The following TEX36 variants were observed in gnomAD, a reference collection of about 807,000 sequenced individuals.
TEX36 encodes the protein testis expressed 36, also known as testis-expressed protein 36.
In TEX36, 12 loss-of-function variants were observed where a neutral mutation model predicts 13.6. That is an observed-to-expected ratio of 0.88 (90% CI 0.56 to 1.43). The LOEUF is 1.43. Among genes scored for constraint, TEX36 ranks in the 40% most tolerant of loss-of-function variants. The pLI, the probability that TEX36 is intolerant of heterozygous loss-of-function variation, is 0.00. For missense variants in TEX36, 224 were observed against 228.3 expected (o/e 0.98, Z 0.12); for synonymous variants, 93 against 83.0 (o/e 1.12, Z -0.65).
chr10:125,672,138 G>C (rs183303056), intron 1 of TEX36, among the ~76,000 whole-genome samples: 1 of 151,330 alleles, frequency 6.6e-6, no homozygotes, highest in Admixed American at 6.6e-5. Context: ...CTTCAGTTTC[G>C]CTCTGATCTT....
At chr10:125,607,603 A>G (rs2569916) in intron 3 of TEX36, among the ~76,000 whole-genome samples, 13,775 of 152,166 alleles carry the variant, frequency 0.091, 809 homozygotes, top group South Asian at 0.24. Context: ...ACAGAGACAC[A>G]TCCTCATTTG....
intron 3 of TEX36, among the ~76,000 whole-genome samples, chr10:125,608,568 A>G (rs1319155655): frequency 6.6e-6 from 1 of 151,962 alleles, no homozygotes; most frequent in Non-Finnish European, 1.5e-5. Context: ...GGGACCAGGA[A>G]CTCCCTACAT....
intron 3 of TEX36, among the ~76,000 whole-genome samples, chr10:125,639,422 C>G (rs1846656526): frequency 6.6e-6 from 1 of 152,158 alleles, no homozygotes; most frequent in Non-Finnish European, 1.5e-5. Context: ...TGTTACCACT[C>G]ATGCTTGTAC....
chr10:125,635,852 G>C (rs377161952), intron 3 of TEX36, among the ~76,000 whole-genome samples: 24 of 151,940 alleles, frequency 1.6e-4, no homozygotes, highest in African/African-American at 5.1e-4. Context: ...TTGGTGATTG[G>C]GCAGCCTGAA....
chr10:125,631,997 A>AG (rs1846563062), intron 3 of TEX36, among the ~76,000 whole-genome samples: 3 of 152,084 alleles, frequency 2.0e-5, no homozygotes, highest in South Asian at 2.1e-4. Flanking sequence ...AGAGGATAGG[A>AG]CAGAAGATGG....
At chr10:125,628,617 T>A (rs1010078553) in intron 3 of TEX36, among the ~76,000 whole-genome samples, 2 of 152,256 alleles carry the variant, frequency 1.3e-5, no homozygotes, top group Non-Finnish European at 2.9e-5. Flanking sequence ...AGCATCGTTT[T>A]GGAGGAATCT....
At chr10:125,620,938 G>A (rs7899629), downstream of TEX36, among the ~76,000 whole-genome samples, 6,360 of 152,140 alleles carry the variant, frequency 0.042, 234 homozygotes, top group South Asian at 0.17. Context: ...ATTTATCCAT[G>A]TTGTAGCATG....
chr10:125,645,576 C>A (rs1231652867), intron 3 of TEX36, among the ~76,000 whole-genome samples: 2 of 152,282 alleles, frequency 1.3e-5, no homozygotes, highest in Non-Finnish European at 1.5e-5. Flanking sequence ...AAATAAATTT[C>A]TTTTCCTTAT....
downstream of TEX36, among the ~76,000 whole-genome samples, chr10:125,620,896 T>C (rs1425046183): frequency 1.3e-5 from 2 of 152,234 alleles, no homozygotes; most frequent in African/African-American, 4.8e-5. Flanking sequence ...TTTTTGTGGC[T>C]GGTTTATTTT....
At chr10:125,606,158 T>C (rs1000578263) in intron 3 of TEX36, among the ~76,000 whole-genome samples, 3 of 152,172 alleles carry the variant, frequency 2.0e-5, no homozygotes, top group African/African-American at 7.2e-5. Flanking sequence ...GTCATATAAG[T>C]AGAAAAAGAG....
rs11812808 is a variant in TEX36, at chr10:125,597,442, A to G, written c.265-20568T>C. Among the ~76,000 whole-genome samples the G allele has an allele frequency of 5.5e-3, 837 of 152,362 alleles. 5 individuals are homozygous for G. Among genetic ancestry groups the G allele is most frequent in the African/African-American group, 0.019 (799 of 41,590 alleles). ...ACCTTGCAACTAATGCTTAATACCC[A>G]AACTGCCCAATAGCTTACAAGCAAG... On this transcript the variant is annotated intron_variant, in intron 3 of 3. Coordinates refer to the TEX36 transcript ENST00000532135.
intron 1 of TEX36, among the ~76,000 whole-genome samples, chr10:125,664,613 A>T (rs1203193023): frequency 6.6e-6 from 1 of 152,146 alleles, no homozygotes. Flanking sequence ...AGTGTGGCAC[A>T]TCCCCCTTTG....
chr10:125,667,669 G>T, intron 1 of TEX36: 1 of 721,014 alleles, frequency 1.4e-6, no homozygotes, highest in Non-Finnish European at 2.6e-6. Context: ...CAACTTGGGG[G>T]AAAGGACGCC....
chr10:125,626,466 T>G (rs1846491991), intron 3 of TEX36, among the ~76,000 whole-genome samples: 1 of 152,246 alleles, frequency 6.6e-6, no homozygotes, highest in Non-Finnish European at 1.5e-5. Context: ...ATTTCCTTTC[T>G]TTGTCTGTGC....
At chr10:125,659,130 A>G (rs1846990342) in intron 3 of TEX36, among the ~76,000 whole-genome samples, 1 of 152,174 alleles carries the variant, frequency 6.6e-6, no homozygotes, top group East Asian at 1.9e-4. Context: ...ACCTTACTCT[A>G]AAAAATATAC....
intron 3 of TEX36, among the ~76,000 whole-genome samples, chr10:125,590,983 T>A (rs988590276): frequency 6.6e-6 from 1 of 152,202 alleles, no homozygotes; most frequent in African/African-American, 2.4e-5. Flanking sequence ...TTTCCCCACA[T>A]GTGGCCCAAA....
chr10:125,581,503 C>T (rs1845881863), intron 3 of TEX36, among the ~76,000 whole-genome samples: 1 of 152,170 alleles, frequency 6.6e-6, no homozygotes, highest in South Asian at 2.1e-4. Context: ...TCCCACTTTT[C>T]CCCCAGGTCC....
intron 3 of TEX36, among the ~76,000 whole-genome samples, chr10:125,630,992 T>C (rs1048179092): frequency 2.0e-5 from 3 of 151,812 alleles, no homozygotes; most frequent in African/African-American, 7.3e-5. Flanking sequence ...TCTCAGGTTC[T>C]CTTCCCCATC....
rs551189716 is a variant in TEX36, at chr10:125,614,382, G to A, written c.265-37508C>T. On this transcript the variant is annotated intron_variant, in intron 3 of 3. Coordinates refer to the TEX36 transcript ENST00000532135. ...ATGCCTATGTCCTGAATGGTAATGC[G>A]TAGGTTTTCTTCTAGGGTTTTTATG... Among the ~76,000 whole-genome samples, 1,116 of 151,790 alleles carry A rather than the reference G, an allele frequency of 7.4e-3. 16 individuals are homozygous for A. The highest frequency in any genetic ancestry group is 0.025 in the African/African-American group (1,047 of 41,372).
Sources: allele counts gnomAD v4.1 joint callset (sites outside exome capture counted in the v4.1 genomes callset), GRCh38; gene constraint gnomAD v4.1.1; transcripts MANE v1.5; gene names NCBI Gene and HGNC (gene_info 2026-07-23, HGNC 2026-07-21).